ZAN: variants seen among roughly 807,000 people sequenced by gnomAD.
ZAN encodes the protein zonadhesin.
In ZAN, 260 loss-of-function variants were observed where a neutral mutation model predicts 286.2. That is an observed-to-expected ratio of 0.91 (90% CI 0.82 to 1.01). ZAN has a LOEUF of 1.01. Ranked by LOEUF, ZAN falls within the 50% of genes least tolerant of loss-of-function variation. ZAN has a pLI of 0.00. For synonymous variants in ZAN, 1,368 were observed against 1,417.5 expected (o/e 0.97, Z 0.79); for missense variants, 3,410 against 3,639.2 (o/e 0.94, Z 1.62).
intron 36 of ZAN, among the ~76,000 whole-genome samples, chr7:100,785,361 GCTGGGATTACA>G: frequency 6.6e-6 from 1 of 151,636 alleles, no homozygotes; most frequent in South Asian, 2.1e-4. Flanking sequence ...CTCCTGTGTA[GCTGGGATTACA>G]GGCAAGCGCC....
chr7:100,794,870 G>A (rs1421711176), intron 44 of ZAN, among the ~76,000 whole-genome samples: 2 of 149,556 alleles, frequency 1.3e-5, no homozygotes, highest in Non-Finnish European at 3.0e-5. Context: ...GGAGGGGAGG[G>A]CAGGGGAGGG....
intron 38 of ZAN, among the ~76,000 whole-genome samples, chr7:100,788,997 C>A (rs769824766): frequency 3.3e-5 from 5 of 152,190 alleles, no homozygotes; most frequent in Non-Finnish European, 7.3e-5. Context: ...CTGTGCCCGG[C>A]CTCACTGAGC....
At position 100,776,564 on chromosome 7, in the gene ZAN, G is replaced by C; in HGVS notation, c.6317G>C (p.Ser2106Thr). 1 of 1,552,442 alleles carries C rather than the reference G, an allele frequency of 6.4e-7. No homozygotes were observed. The highest frequency in any genetic ancestry group is 1.2e-5 in the South Asian group (1 of 84,014). The part of the protein sequence containing the change: ...NSWKDKDIDP[S>T]CQSLLVDEQQ... ...TGGAAAGATAAGGACATTGACCCAA[G>C]GTAGTGGTCCCCTAAGACCCTCTAG... Residue 2106 changes from serine to threonine, a missense_variant and splice_region_variant, in exon 34 of 48, where the codon AGT becomes ACT. Transcript: ENST00000613979.
Position 100,797,436 on chromosome 7 carries a change from A to C in ZAN, c.8337A>C (p.Arg2779Ser), listed in dbSNP as rs1258735158. ...TGGTCGTACTACTGGCCGTGACCAG[A>C]GAGTGCATTTACAGAACGAGGAGGA... ...PVVVVLLAVTRECIYRTRRKR... is the reference protein window; with the variant it reads ...PVVVVLLAVTSECIYRTRRKR... The change falls in exon 46 of 48, where the codon AGA (arginine) becomes AGC (serine). Residue 2779 changes from arginine to serine, a missense_variant. Around this residue, in one of 7 missense-constraint regions of ZAN, gnomAD observed 1,289 missense variants for 1,314.3 expected, o/e 0.98. Coordinates refer to ENST00000613979, the MANE Select transcript of ZAN (RefSeq NM_003386.3). The C allele has an allele frequency of 6.2e-7, 1 of 1,613,768 alleles. No individual in the cohort carries two copies. Among genetic ancestry groups the C allele is most frequent in the African/African-American group, 1.3e-5 (1 of 74,994 alleles).
At chr7:100,776,383 G>T in intron 33 of ZAN, 57 bp from the exon 34 acceptor site, 1 of 1,535,956 alleles carries the variant, frequency 6.5e-7, no homozygotes, top group Non-Finnish European at 8.8e-7. Context: ...AAGGAAGGAA[G>T]GGAGAAAAAC....
chr7:100,746,103 T>C (rs1808197660), intron 7 of ZAN, among the ~76,000 whole-genome samples: 1 of 151,956 alleles, frequency 6.6e-6, no homozygotes. Context: ...GGCGCACACC[T>C]GTAGTCCCAG....
intron 38 of ZAN, 121 bp downstream of exon 38, chr7:100,788,257 A>G: frequency 3.7e-6 from 5 of 1,341,756 alleles, no homozygotes; most frequent in Non-Finnish European, 4.9e-6. Context: ...GGCTGGTTGT[A>G]AAATCAGAGT....
At chr7:100,780,049 C>T (rs1229274357) in intron 35 of ZAN, among the ~76,000 whole-genome samples, 3 of 151,714 alleles carry the variant, frequency 2.0e-5, no homozygotes, top group Non-Finnish European at 2.9e-5. Context: ...CAAAATTAGC[C>T]GGGTGTGGTG....
chr7:100,784,130 CT>C (rs35784170), intron 35 of ZAN, among the ~76,000 whole-genome samples: 29,766 of 118,970 alleles, frequency 0.25, 3,090 homozygotes, highest in Non-Finnish European at 0.31. Flanking sequence ...ATTCTTGTTC[CT>C]TTTTTTTTTT....
At position 100,754,178 on chromosome 7, in the gene ZAN, G is replaced by T. The variant is rs192270675; in HGVS notation, c.3124+949G>T. 1.2e-4 allele frequency among the ~76,000 whole-genome samples: 18 copies of T among 152,210 alleles called. 1 individual carries two copies. In the East Asian group the frequency reaches 3.3e-3, roughly 28 times the overall value. On this transcript the variant is annotated intron_variant, in intron 14 of 47. Coordinates refer to ENST00000613979, the MANE Select transcript of ZAN (RefSeq NM_003386.3). Reference sequence around the variant, plus strand: ...CATTCCTTTAAAAAAAGTATTTCTGGCCAGGCACGGTGGCTCACGCCTGTA... The same window carrying T: ...CATTCCTTTAAAAAAAGTATTTCTGTCCAGGCACGGTGGCTCACGCCTGTA...
At chr7:100,745,119 G>C (rs1013219992) in intron 7 of ZAN, among the ~76,000 whole-genome samples, 1 of 151,746 alleles carries the variant, frequency 6.6e-6, no homozygotes, top group Non-Finnish European at 1.5e-5. Context: ...CCTGACCTCA[G>C]GTGATCCGCC....
intron 9 of ZAN, 106 bp downstream of exon 9, chr7:100,747,747 T>C: frequency 8.6e-7 from 1 of 1,157,688 alleles, no homozygotes; most frequent in Non-Finnish European, 1.3e-6. Flanking sequence ...TCCCAATACT[T>C]TGGGAGGCTG....
Position 100,795,303 on chromosome 7 carries a change from G to C in ZAN, c.8233G>C (p.Glu2745Gln), listed in dbSNP as rs1812288524. 1.9e-6 allele frequency: 3 copies of C among 1,602,448 alleles called. No individual in the cohort carries two copies. Among genetic ancestry groups the C allele is most frequent in the East Asian group, 2.3e-5 (1 of 44,206 alleles). ...TGGTTACGGGGGAGGCCTGTGTATGGAGCCTCGAGATGCGCCACCTCCCAG... is the reference window on the plus strand; with the variant it reads ...TGGTTACGGGGGAGGCCTGTGTATGCAGCCTCGAGATGCGCCACCTCCCAG... ...EVGYGGGLCM[E>Q]PRDAPPPRKP... The change falls in exon 45 of 48, where the codon GAG (glutamate) becomes CAG (glutamine). Residue 2745 changes from glutamate (E) to glutamine (Q), a missense_variant. Physicochemically the swap from Glu to Gln is conservative, Grantham distance 29 (BLOSUM62 2). Around this residue, in one of 7 missense-constraint regions of ZAN, gnomAD observed 1,289 missense variants for 1,314.3 expected, o/e 0.98. Coordinates refer to ENST00000613979, the MANE Select transcript of ZAN (RefSeq NM_003386.3).
chr7:100,759,042 G>A (rs1809356617), intron 17 of ZAN, among the ~76,000 whole-genome samples: 1 of 152,060 alleles, frequency 6.6e-6, no homozygotes, highest in Admixed American at 6.6e-5. Flanking sequence ...TGGTCAACAT[G>A]GTGAAACCCC....
In ZAN at chr7:100,736,809, A is replaced by G. The variant is rs1256056025; in HGVS notation, c.254A>G (p.Glu85Gly). The change falls in exon 5 of 48, where the codon GAG becomes GGG. Residue 85 changes from glutamate (E) to glycine (G), a missense_variant and splice_region_variant. This residue lies in a region of ZAN where 872 missense variants were observed against 938.9 expected (regional missense o/e 0.93). Coordinates refer to ENST00000613979, the MANE Select transcript of ZAN (RefSeq NM_003386.3). ...GTGTCTTGGGCTCTGCCTCCCCCAGAGGGCAGCTATCTGCATATGGAATCG... is the reference window on the plus strand; with the variant it reads ...GTGTCTTGGGCTCTGCCTCCCCCAGGGGGCAGCTATCTGCATATGGAATCG... ...TGAPGGYPNG[E>G]GSYLHMESNS... 1.4e-6 allele frequency: 2 copies of G among 1,472,066 alleles called. No homozygotes were observed. Among genetic ancestry groups the G allele is most frequent in the South Asian group, 1.2e-5 (1 of 83,934 alleles). 91.2% of individuals were successfully genotyped at this position (1,472,066 alleles called of 1,614,324 possible). A position where few individuals can be genotyped will look rare whatever the true frequency, so the allele number is the denominator to read the frequency against.
At position 100,792,990 on chromosome 7, in the gene ZAN, A is replaced by G. The variant is rs1361078797; in HGVS notation, c.7787+511A>G. On this transcript the variant is annotated intron_variant, in intron 42 of 47. Transcript: ENST00000613979. ...AGAGCAACATCCTATCTCAAAAAAA[A>G]AAAAAAAGAAAGAAAGAAAGAAAGA... 4.9e-5 allele frequency among the ~76,000 whole-genome samples: 7 copies of G among 141,876 alleles called. No individual in the cohort carries two copies. The Admixed American group carries it at 5.0e-4, about 10-fold the overall frequency. 93.1% of individuals were successfully genotyped at this position (141,876 alleles called of 152,430 possible). A position where few individuals can be genotyped will look rare whatever the true frequency, so the allele number is the denominator to read the frequency against.
rs911837028 is a variant in ZAN, at chr7:100,793,966, C to G, written c.7934C>G (p.Pro2645Arg). 1.9e-6 allele frequency: 3 copies of G among 1,613,832 alleles called. No individual in the cohort carries two copies. The highest frequency in any genetic ancestry group is 1.7e-6 in the Non-Finnish European group (2 of 1,179,878). Residue 2645 changes from proline to arginine, a missense_variant, in exon 43 of 48, where the codon CCA (proline) becomes CGA (arginine). Pro to Arg is a moderately radical substitution (Grantham distance 103, BLOSUM62 -2). Around this residue, in one of 7 missense-constraint regions of ZAN, gnomAD observed 1,289 missense variants for 1,314.3 expected, o/e 0.98. Coordinates refer to ENST00000613979, the MANE Select transcript of ZAN (RefSeq NM_003386.3). ...CCCAGGCTATGCCTACAGTGGCACC[C>G]AGAGCCTCCCCTGGCTGACTGTGGC... ...QHPRLCLQWH[P>R]EPPLADCGCT...
chr7:100,762,419 C>CTATT, intron 20 of ZAN, 61 bp downstream of exon 20: 1 of 1,016,816 alleles, frequency 9.8e-7, no homozygotes, highest in Non-Finnish European at 1.2e-6. Context: ...CTGGAACTCT[C>CTATT]TTTTTTTTTT....
chr7:100,735,921 C>T, intron 3 of ZAN, 149 bp downstream of exon 3: 1 of 636,588 alleles, frequency 1.6e-6, no homozygotes, highest in Non-Finnish European at 2.7e-6. Flanking sequence ...TGTGTCCTGC[C>T]AGGCCAAGTC....
Sources: allele counts gnomAD v4.1 joint callset (sites outside exome capture counted in the v4.1 genomes callset), GRCh38; gene constraint gnomAD v4.1.1; regional missense constraint gnomAD v4.1.1; transcripts MANE v1.5; gene names NCBI Gene and HGNC (gene_info 2026-07-23, HGNC 2026-07-21).